Variants in TRIM54 observed in about 807,000 individuals in gnomAD.
TRIM54 encodes tripartite motif containing 54.
TRIM54 carries 40 observed loss-of-function variants against 42.0 expected under a neutral mutation model. The ratio of observed to expected loss-of-function variants is 0.95; its 90% CI spans 0.74 to 1.24. The LOEUF is 1.24. Ranked by LOEUF, TRIM54 falls within the 50% of genes most tolerant of loss-of-function variation. The pLI is 0.00. For missense variants in TRIM54, 485 were observed against 480.3 expected (o/e 1.01, Z -0.09); for synonymous variants, 199 against 194.9 (o/e 1.02, Z -0.17).
intron 1 of TRIM54, among the ~76,000 whole-genome samples, chr2:27,293,794 G>A (rs1678788229): frequency 6.6e-6 from 1 of 152,128 alleles, no homozygotes; most frequent in African/African-American, 2.4e-5. Context: ...GGCCGAGGTG[G>A]GTGGATCACC....
intron 1 of TRIM54, among the ~76,000 whole-genome samples, chr2:27,295,265 C>T (rs531295893): frequency 1.3e-5 from 2 of 152,070 alleles, no homozygotes; most frequent in African/African-American, 2.4e-5. Context: ...ACAACAATGT[C>T]TGGAAAACCC....
In TRIM54 at chr2:27,298,666, C is replaced by A; in HGVS notation, c.268C>A (p.His90Asn). 1.2e-6 allele frequency: 2 copies of A among 1,614,204 alleles called. No individual in the cohort carries two copies. Among genetic ancestry groups the A allele is most frequent in the African/African-American group, 2.7e-5 (2 of 75,056 alleles). Residue 90 changes from histidine (H) to asparagine (N), a missense_variant, in exon 2 of 9, where the codon CAC becomes AAC. Coordinates refer to ENST00000380075, the MANE Select transcript of TRIM54 (RefSeq NM_187841.3). Reference protein sequence around the residue: ...SCRHEVVLDRHGVYGLQRNLL... With the variant: ...SCRHEVVLDRNGVYGLQRNLL... ...CAGGCATGAGGTTGTCCTGGACAGA[C>A]ACGGTGTCTACGGCCTGCAGCGAAA...
rs774525303 is a variant in TRIM54, at chr2:27,304,991, G to A, written c.546G>A (p.Val182=). Residue 182 remains valine (V), a synonymous_variant, in exon 4 of 9, where the codon GTG becomes GTA. Transcript: ENST00000380075. ...SELSDGIAML[V]AGNDRVQAVI... ...TCAGCGATGGCATCGCGATGCTGGT[G>A]GCAGGCAATGACCGCGTGCAAGCAG... is the stretch of plus-strand genomic sequence containing the variant. 4.2e-5 allele frequency: 68 copies of A among 1,614,026 alleles called. No homozygotes were observed. The highest frequency in any genetic ancestry group is 1.8e-4 in the Admixed American group (11 of 59,990).
rs759957527 is a variant in TRIM54 at position 27,282,662 on chromosome 2, C to T, written c.-70C>T. On this transcript the variant is annotated 5_prime_UTR_variant, in exon 1 of 9. Coordinates refer to ENST00000380075, the MANE Select transcript of TRIM54 (RefSeq NM_187841.3). ...GAAGGGAATCCAGAGGCCATCTAAG[C>T]GAGGAAGGGTCTACAGGCAGTGAGT... 8 of 1,495,850 alleles carry T rather than the reference C, an allele frequency of 5.3e-6. No homozygotes were observed. The highest frequency in any genetic ancestry group is 1.8e-4 in the Middle Eastern group (1 of 5,452). The allele number at this position is 1,495,850 out of a possible 1,614,324, so 92.7% of individuals were successfully genotyped here. A position where few individuals can be genotyped will look rare whatever the true frequency, so the allele number is the denominator to read the frequency against.
At chr2:27,290,111 A>G (rs1678678087) in intron 1 of TRIM54, among the ~76,000 whole-genome samples, 1 of 151,488 alleles carries the variant, frequency 6.6e-6, no homozygotes, top group South Asian at 2.1e-4. Context: ...ACCTCAAGTG[A>G]TCCACCCACC....
chr2:27,303,880 T>A (rs1160455548), intron 3 of TRIM54, among the ~76,000 whole-genome samples: 72 of 152,048 alleles, frequency 4.7e-4, no homozygotes, highest in Admixed American at 4.7e-3. Context: ...TAAAAAAAGA[T>A]GAAAAATTTT....
intron 1 of TRIM54, among the ~76,000 whole-genome samples, chr2:27,285,028 G>A (rs1678517774): frequency 6.6e-6 from 1 of 152,158 alleles, no homozygotes; most frequent in Admixed American, 6.5e-5. Context: ...CAGAATATTT[G>A]GAGATAACAT....
intron 3 of TRIM54, among the ~76,000 whole-genome samples, chr2:27,302,162 A>G (rs1397929890): frequency 6.6e-6 from 1 of 151,942 alleles, no homozygotes; most frequent in Admixed American, 6.6e-5. Context: ...CCAAAAATAA[A>G]TAAATAGGCC....
At position 27,306,632 on chromosome 2, in the gene TRIM54, T is replaced by C; in HGVS notation, c.*1+90T>C. 3.9e-6 allele frequency: 5 copies of C among 1,292,416 alleles called. No individual in the cohort carries two copies. The highest frequency in any genetic ancestry group is 5.2e-6 in the Non-Finnish European group (5 of 954,628). The allele number at this position is 1,292,416 out of a possible 1,614,324, so 80.1% of individuals were successfully genotyped here. A position where few individuals can be genotyped will look rare whatever the true frequency, so the allele number is the denominator to read the frequency against. On this transcript the variant is annotated intron_variant, in intron 8 of 8. Coordinates refer to ENST00000380075, the MANE Select transcript of TRIM54 (RefSeq NM_187841.3). This position sits in a 1 kb window ranked among gnomAD's most constrained non-coding sequence, Gnocchi z 6.1. ...GGTGTGCTCGCGTCCCCTCCCCCAGTGATTGCCCTCCCTGCGGGTAGCGTG... is the reference window on the plus strand; with the variant it reads ...GGTGTGCTCGCGTCCCCTCCCCCAGCGATTGCCCTCCCTGCGGGTAGCGTG...
intron 3 of TRIM54, among the ~76,000 whole-genome samples, chr2:27,304,516 A>C (rs1384285323): frequency 4.0e-5 from 6 of 149,720 alleles, no homozygotes; most frequent in African/African-American, 1.2e-4. Flanking sequence ...AGAAAAACAG[A>C]ACGTGCAGTT....
chr2:27,306,346 G>A lies in TRIM54; in HGVS notation c.991+9G>A. On this transcript the variant is annotated intron_variant, in intron 7 of 8. Coordinates refer to ENST00000380075, the MANE Select transcript of TRIM54 (RefSeq NM_187841.3). This position sits in a 1 kb window ranked among gnomAD's most constrained non-coding sequence, Gnocchi z 6.1. ...CATCGACTTCCAGCCAGGTGAAGGA[G>A]GTGGCCGAGGGCCGCTGAGACGGGT... The A allele has an allele frequency of 6.2e-7, 1 of 1,614,082 alleles. No homozygotes were observed. The highest frequency in any genetic ancestry group is 8.5e-7 in the Non-Finnish European group (1 of 1,179,958).
chr2:27,284,629 G>C (rs556753239), intron 1 of TRIM54, among the ~76,000 whole-genome samples: 59 of 152,132 alleles, frequency 3.9e-4, no homozygotes, highest in African/African-American at 1.4e-3. Flanking sequence ...CACCATCTTG[G>C]TTTTTCCTTG....
intron 1 of TRIM54, among the ~76,000 whole-genome samples, chr2:27,283,766 A>ACGCACGCGCGCGCG: frequency 1.1e-5 from 1 of 88,710 alleles, no homozygotes; most frequent in Admixed American, 1.2e-4. Flanking sequence ...GGGCAAAGGC[A>ACGCACGCGCGCGCG]CACACACACA....
rs776997844 is a variant in TRIM54 at position 27,306,478 on chromosome 2, G to A, written c.1014G>A (p.Glu338=). ...FQPGASGEEE[E]VAPDGEEGSA... is the part of the protein sequence containing the mutation. ...CAGGCGCTTCCGGGGAGGAAGAGGA[G>A]GTGGCCCCAGACGGAGAGGAGGGCA... is the stretch of plus-strand genomic sequence containing the variant. Residue 338 remains glutamate (E), a synonymous_variant, in exon 8 of 9, where the codon GAG becomes GAA. Transcript: ENST00000380075. The surrounding 1 kb of genome is among the most constrained non-coding windows in gnomAD (Gnocchi z 6.1). The A allele has an allele frequency of 6.3e-7, 1 of 1,590,260 alleles. No individual in the cohort carries two copies. Among genetic ancestry groups the A allele is most frequent in the Non-Finnish European group, 8.6e-7 (1 of 1,167,972 alleles).
Position 27,298,631 on chromosome 2 carries a change from G to A in TRIM54, c.233G>A (p.Cys78Tyr). ...GTGTCTTCAGGAGGCCGTTTCCGCT[G>A]CCCATCGTGCAGGCATGAGGTTGTC... ...TTVSSGGRFR[C>Y]PSCRHEVVLD... Residue 78 changes from cysteine (C) to tyrosine (Y), a missense_variant, in exon 2 of 9, where the codon TGC becomes TAC. Cys to Tyr is a radical substitution (Grantham distance 194). Transcript: ENST00000380075. 1 of 1,614,188 alleles carries A rather than the reference G, an allele frequency of 6.2e-7. No individual in the cohort carries two copies. Among genetic ancestry groups the A allele is most frequent in the Non-Finnish European group, 8.5e-7 (1 of 1,180,040 alleles).
Position 27,282,724 on chromosome 2 carries a change from C to T in TRIM54, c.-8C>T. The T allele has an allele frequency of 1.2e-6, 2 of 1,608,888 alleles. No homozygotes were observed. Among genetic ancestry groups the T allele is most frequent in the Middle Eastern group, 1.7e-4 (1 of 6,032 alleles). ...GCAGGGCCCAGGCCAGGCACGACCA[C>T]CGAGGGGATGAACTTCACAGTGGGT... On this transcript the variant is annotated 5_prime_UTR_variant, in exon 1 of 9. Transcript: ENST00000380075.
chr2:27,305,908 A>G, intron 5 of TRIM54, 91 bp downstream of exon 5: 1 of 1,379,444 alleles, frequency 7.2e-7, no homozygotes, highest in Non-Finnish European at 1.0e-6. Context: ...TGTCTCTTGC[A>G]CCTGCTTGCC....
intron 1 of TRIM54, among the ~76,000 whole-genome samples, chr2:27,297,554 G>A (rs1678899325): frequency 6.6e-6 from 1 of 152,226 alleles, no homozygotes; most frequent in Non-Finnish European, 1.5e-5. Flanking sequence ...GGATGCAGTT[G>A]TCAGGTGCTT....
Position 27,307,411 on chromosome 2 carries a change from A to G in TRIM54, c.*526A>G. 2 of 1,500,086 alleles carry G rather than the reference A, an allele frequency of 1.3e-6. No homozygotes were observed. The highest frequency in any genetic ancestry group is 2.6e-5 in the South Asian group (2 of 78,422). 92.9% of individuals were successfully genotyped at this position (1,500,086 alleles called of 1,614,324 possible). On this transcript the variant is annotated 3_prime_UTR_variant, in exon 9 of 9. Coordinates refer to ENST00000380075, the MANE Select transcript of TRIM54 (RefSeq NM_187841.3). This position sits in a 1 kb window ranked among gnomAD's most constrained non-coding sequence, Gnocchi z 6.9. ...CGACAAAAGCCAACGGGTCTTCAGTACTTTTATTAAAAAATAGTCACGCAG... is the reference window on the plus strand; with the variant it reads ...CGACAAAAGCCAACGGGTCTTCAGTGCTTTTATTAAAAAATAGTCACGCAG...
Sources: gnomAD v4.1 joint callset for allele counts (sites outside exome capture counted in the v4.1 genomes callset) on GRCh38, gnomAD v4.1.1 for gene constraint, Gnocchi (gnomAD v3.1) non-coding constraint, MANE v1.5 for transcripts, NCBI Gene and HGNC (gene_info 2026-07-23, HGNC 2026-07-21) for gene names.